IL1RAP: variants seen among roughly 807,000 people sequenced by gnomAD.
The protein encoded by IL1RAP is interleukin 1 receptor accessory protein, also known as interleukin-1 receptor accessory protein.
In IL1RAP, 35 loss-of-function variants were observed where a neutral mutation model predicts 60.7. That is an observed-to-expected ratio of 0.58 (90% CI 0.44 to 0.76). The LOEUF is 0.76. Among genes scored for constraint, IL1RAP ranks in the 30% least tolerant of loss-of-function variants. IL1RAP has a pLI of 0.00. For missense variants in IL1RAP, 572 were observed against 693.9 expected (o/e 0.82, Z 1.97); for synonymous variants, 268 against 250.9 (o/e 1.07, Z -0.64).
chr3:190,597,148 T>C (rs887751907), intron 3 of IL1RAP, among the ~76,000 whole-genome samples: 1 of 152,190 alleles, frequency 6.6e-6, no homozygotes, highest in Non-Finnish European at 1.5e-5. Flanking sequence ...AATTATTTCC[T>C]TTCCCTTTAA....
chr3:190,629,488 G>A lies in IL1RAP; in HGVS notation c.1041G>A (p.Val347=). The A allele has an allele frequency of 6.2e-7, 1 of 1,611,738 alleles. No homozygotes were observed. The highest frequency in any genetic ancestry group is 8.5e-7 in the Non-Finnish European group (1 of 1,179,170). ...GCGAAGTTGCCAAAGCAGCCAAGGT[G>A]AAGCAGAAAGGTAATAGATGCGGTC... ...AKGEVAKAAK[V]KQKVPAPRYT... is the part of the protein sequence containing the mutation. The change falls in exon 9 of 12, where the codon GTG becomes GTA. Residue 347 remains valine, a synonymous_variant. Transcript: ENST00000447382.
In IL1RAP at chr3:190,649,918, A is replaced by G. The variant is rs1734292984; in HGVS notation, c.*1213A>G. On this transcript the variant is annotated 3_prime_UTR_variant, in exon 12 of 12. Transcript: ENST00000447382. ...AGAGTTTACAGAGTGGTAAATATCT[A>G]TGTTACATGTAGATTATACATATAT... 3.1e-6 allele frequency: 3 copies of G among 952,874 alleles called. No homozygotes were observed. Among genetic ancestry groups the G allele is most frequent in the South Asian group, 4.9e-5 (1 of 20,612 alleles). The allele number at this position is 952,874 out of a possible 1,614,324, so 59.0% of individuals were successfully genotyped here. A position where few individuals can be genotyped will look rare whatever the true frequency, so the allele number is the denominator to read the frequency against.
intron 1 of IL1RAP, chr3:190,555,921 G>GATCT (rs1213965587): frequency 1.8e-5 from 2 of 113,474 alleles, no homozygotes; most frequent in Non-Finnish European, 3.8e-5. Flanking sequence ...GATAGATAGA[G>GATCT]ATCTGTCTAT....
intron 4 of IL1RAP, among the ~76,000 whole-genome samples, chr3:190,608,227 G>A (rs181391789): frequency 1.3e-5 from 2 of 152,264 alleles, no homozygotes; most frequent in Non-Finnish European, 2.9e-5. Context: ...AACTTGGATG[G>A]TAGAGCCTAC....
chr3:190,535,237 G>A (rs1227768173), intron 1 of IL1RAP, among the ~76,000 whole-genome samples: 1 of 152,144 alleles, frequency 6.6e-6, no homozygotes, highest in Non-Finnish European at 1.5e-5. Flanking sequence ...CAAGTCTCCT[G>A]CCTGCTTGTG....
chr3:190,592,712 C>A (rs951195640), intron 3 of IL1RAP, among the ~76,000 whole-genome samples: 1 of 152,204 alleles, frequency 6.6e-6, no homozygotes, highest in Non-Finnish European at 1.5e-5. Flanking sequence ...ATGCTAGACT[C>A]TGAAAGACCC....
chr3:190,546,511 C>G (rs1200350572), intron 1 of IL1RAP, among the ~76,000 whole-genome samples: 2 of 152,246 alleles, frequency 1.3e-5, no homozygotes, highest in Admixed American at 6.5e-5. Flanking sequence ...TGAGCAAACA[C>G]AGCTACATAG....
chr3:190,560,778 G>A (rs773325260), intron 2 of IL1RAP, among the ~76,000 whole-genome samples: 2 of 152,156 alleles, frequency 1.3e-5, no homozygotes, highest in Non-Finnish European at 2.9e-5. Context: ...GAATGCAGAC[G>A]ATAAAAAGTT....
At chr3:190,586,606 T>C (rs762807122) in intron 3 of IL1RAP, among the ~76,000 whole-genome samples, 2 of 152,252 alleles carry the variant, frequency 1.3e-5, no homozygotes, top group Non-Finnish European at 2.9e-5. Context: ...CTTCCATTGT[T>C]CTGCTTAAGG....
At chr3:190,567,744 C>T (rs973373711) in intron 3 of IL1RAP, among the ~76,000 whole-genome samples, 5 of 152,174 alleles carry the variant, frequency 3.3e-5, no homozygotes, top group Non-Finnish European at 7.3e-5. Context: ...ACACGCTTAT[C>T]CTGCCCCCTC....
intron 3 of IL1RAP, among the ~76,000 whole-genome samples, chr3:190,592,673 G>GGAGGT (rs767740203): frequency 1.5e-4 from 23 of 152,266 alleles, no homozygotes; most frequent in Non-Finnish European, 3.4e-4. Flanking sequence ...CAAACTGCTC[G>GGAGGT]GAGGTGCTAA....
In IL1RAP at chr3:190,623,393, T is replaced by G; in HGVS notation, c.753T>G (p.His251Gln). ...VPPVIHSPND[H>Q]VVYEKEPGEE... ...CTGTGATCCATTCACCTAATGATCA[T>G]GTGGTCTATGAGAAAGAACCAGGTA... Residue 251 changes from histidine to glutamine, a missense_variant, in exon 7 of 12, where the codon CAT becomes CAG. Coordinates refer to ENST00000447382, the MANE Select transcript of IL1RAP (RefSeq NM_002182.4). The G allele has an allele frequency of 6.2e-7, 1 of 1,613,124 alleles. No individual in the cohort carries two copies. Among genetic ancestry groups the G allele is most frequent in the Non-Finnish European group, 8.5e-7 (1 of 1,179,142 alleles).
intron 1 of IL1RAP, among the ~76,000 whole-genome samples, chr3:190,546,867 G>A (rs1724418381): frequency 6.6e-6 from 1 of 152,238 alleles, no homozygotes; most frequent in Non-Finnish European, 1.5e-5. Context: ...GCTCCGCATA[G>A]TAGGTATCCA....
intron 1 of IL1RAP, among the ~76,000 whole-genome samples, chr3:190,536,091 C>T (rs1723437354): frequency 1.3e-5 from 2 of 152,020 alleles, no homozygotes; most frequent in Admixed American, 1.3e-4. Context: ...CCCATATTAC[C>T]AGTTTTTGCT....
chr3:190,548,921 T>C (rs1724610981), intron 1 of IL1RAP, among the ~76,000 whole-genome samples: 1 of 152,258 alleles, frequency 6.6e-6, no homozygotes, highest in Non-Finnish European at 1.5e-5. Flanking sequence ...CTTCTGCAAT[T>C]AGAGTTTTCA....
chr3:190,575,068 C>T (rs1727319343), intron 3 of IL1RAP, among the ~76,000 whole-genome samples: 1 of 152,014 alleles, frequency 6.6e-6, no homozygotes, highest in Non-Finnish European at 1.5e-5. Flanking sequence ...AAGTATTGCC[C>T]TCCTATTTTA....
intron 2 of IL1RAP, among the ~76,000 whole-genome samples, chr3:190,562,803 C>T (rs532693213): frequency 1.3e-5 from 2 of 151,768 alleles, no homozygotes; most frequent in African/African-American, 4.8e-5. Context: ...ATGCTCAATA[C>T]ATGTTTTATT....
Position 190,649,782 on chromosome 3 carries a change from G to A in IL1RAP, c.*1077G>A. 1.0e-6 allele frequency: 1 copy of A among 985,382 alleles called. No homozygotes were observed. The highest frequency in any genetic ancestry group is 1.2e-6 in the Non-Finnish European group (1 of 829,854). 61.0% of individuals were successfully genotyped at this position (985,382 alleles called of 1,614,324 possible). A position where few individuals can be genotyped will look rare whatever the true frequency, so the allele number is the denominator to read the frequency against. ...TTCCTGTCACCTATTCACTAGTGCAGGAAATATACTTGCTCCAAATAAGTC... is the reference window on the plus strand; with the variant it reads ...TTCCTGTCACCTATTCACTAGTGCAAGAAATATACTTGCTCCAAATAAGTC... On this transcript the variant is annotated 3_prime_UTR_variant, in exon 12 of 12. Coordinates refer to ENST00000447382, the MANE Select transcript of IL1RAP (RefSeq NM_002182.4).
intron 1 of IL1RAP, among the ~76,000 whole-genome samples, chr3:190,544,166 G>T (rs1441025894): frequency 6.6e-6 from 1 of 152,134 alleles, no homozygotes; most frequent in Non-Finnish European, 1.5e-5. Context: ...AGGTCACACA[G>T]GTGAAAGGGT....
Sources: allele counts gnomAD v4.1 joint callset (sites outside exome capture counted in the v4.1 genomes callset), GRCh38; gene constraint gnomAD v4.1.1; transcripts MANE v1.5; gene names NCBI Gene and HGNC (gene_info 2026-07-23, HGNC 2026-07-21).